PKD1L1: variants seen among roughly 807,000 people sequenced by gnomAD.
The protein encoded by PKD1L1 is polycystin 1 like 1, transient receptor potential channel interacting, also known as polycystin-1-like protein 1.
Under a neutral mutation model 323.4 loss-of-function variants are expected in PKD1L1, and 236 were observed. That is an observed-to-expected ratio of 0.73 (90% CI 0.66 to 0.81). The LOEUF is 0.81. PKD1L1 is among the 40% of genes least tolerant of loss of function. PKD1L1 has a pLI of 0.00. For missense variants in PKD1L1, 3,320 were observed against 3,508.0 expected, an observed-to-expected ratio of 0.95 and a Z score of 1.35; for synonymous variants, 1,344 against 1,335.0, an observed-to-expected ratio of 1.01 and a Z score of -0.15.
At chr7:47,845,802 A>G (rs1785653135) in intron 32 of PKD1L1, among the ~76,000 whole-genome samples, 1 of 152,096 alleles carries the variant, frequency 6.6e-6, no homozygotes, top group Admixed American at 6.6e-5. Flanking sequence ...GCTGGTCTCA[A>G]ACTCCTAACC....
At chr7:47,896,673 A>G (rs1471958942) in intron 14 of PKD1L1, among the ~76,000 whole-genome samples, 3 of 152,158 alleles carry the variant, frequency 2.0e-5, no homozygotes, top group Non-Finnish European at 4.4e-5. Flanking sequence ...AGGTACAAAT[A>G]GTGCTGTTTT....
chr7:47,894,060 C>A lies in PKD1L1; in HGVS notation c.2272-1G>T, dbSNP rs1786883357. Reference sequence around the variant, plus strand: ...ACACCACACTGCCTTCAATCTGAACCTGCAGGGGCAAGGAAGGACAGGGGA... The same window carrying A: ...ACACCACACTGCCTTCAATCTGAACATGCAGGGGCAAGGAAGGACAGGGGA... On this transcript the variant is annotated splice_acceptor_variant, in intron 14 of 56. Coordinates refer to ENST00000289672, the MANE Select transcript of PKD1L1 (RefSeq NM_138295.5). LOFTEE classifies it high-confidence loss of function. The A allele has an allele frequency of 6.5e-7, 1 of 1,549,912 alleles. No individual in the cohort carries two copies. Among genetic ancestry groups the A allele is most frequent in the Non-Finnish European group, 8.7e-7 (1 of 1,146,754 alleles).
intron 28 of PKD1L1, 72 bp from the exon 29 acceptor site, chr7:47,855,337 A>G: frequency 2.7e-6 from 3 of 1,119,042 alleles, no homozygotes; most frequent in Non-Finnish European, 4.0e-6. Flanking sequence ...GCAGCAAACC[A>G]AAGTATCGTG....
intron 9 of PKD1L1, among the ~76,000 whole-genome samples, 165 bp from the exon 10 acceptor site, chr7:47,906,127 ATAAACT>A (rs1359748466): frequency 4.6e-5 from 7 of 152,384 alleles, no homozygotes; most frequent in East Asian, 1.9e-4. Flanking sequence ...CCTGGGAAAC[ATAAACT>A]TAATCACAGA....
rs138305811 is a variant in PKD1L1, at chr7:47,827,362, C to T, written c.6842G>A (p.Arg2281Gln). The change falls in exon 45 of 57, where the codon CGG becomes CAG. Residue 2281 changes from arginine (R) to glutamine (Q), a missense_variant. Arg to Gln is a conservative substitution (Grantham distance 43, BLOSUM62 1). Coordinates refer to ENST00000289672, the MANE Select transcript of PKD1L1 (RefSeq NM_138295.5). ...RQRMRRESRT[R>Q]AALRDISMDI... The stretch of plus-strand genomic sequence containing the variant: ...AGCCGCCACCCACCTCAGGGCAGCC[C>T]GTGTGCGACTCTCTCTCCTCATCCT... 9.0e-4 allele frequency: 1,445 copies of T among 1,611,666 alleles called. 17 individuals carry two copies. The African/African-American group carries it at 0.017, about 19-fold the overall frequency.
At chr7:47,880,262 A>C in intron 21 of PKD1L1, among the ~76,000 whole-genome samples, 1 of 92,292 alleles carries the variant, frequency 1.1e-5, no homozygotes, top group Admixed American at 1.2e-4. Flanking sequence ...ATATATATAT[A>C]TACATATATA....
intron 26 of PKD1L1, among the ~76,000 whole-genome samples, chr7:47,863,330 G>A (rs771778012): frequency 2.6e-5 from 4 of 152,080 alleles, no homozygotes; most frequent in Admixed American, 6.6e-5. Context: ...TTATACGTGC[G>A]TGTCTGGGGA....
In PKD1L1 at chr7:47,890,582, T is replaced by C. The variant is rs11972142; in HGVS notation, c.2635A>G (p.Thr879Ala). The change falls in exon 16 of 57, where the codon ACC becomes GCC. Residue 879 changes from threonine (T) to alanine (A), a missense_variant. Transcript: ENST00000289672. ...GGGTAGGGGGACAGGAACACCCGGG[T>C]CTCAGAAGAGTTCCGGCCACCACTG... ...VSSGGRNSSE[T>A]RVFLSPYPDS... is the part of the protein sequence containing the mutation. 23,723 of 1,613,880 alleles carry C rather than the reference T, an allele frequency of 0.015. 824 individuals carry two copies. Among genetic ancestry groups the C allele is most frequent in the African/African-American group, 0.14 (10,553 of 74,908 alleles).
In PKD1L1 at chr7:47,873,977, C is replaced by A. The variant is rs1184704355; in HGVS notation, c.3818G>T (p.Gly1273Val). The A allele has an allele frequency of 6.2e-7, 1 of 1,613,540 alleles. No homozygotes were observed. Among genetic ancestry groups the A allele is most frequent in the Admixed American group, 1.7e-5 (1 of 59,928 alleles). ...MVSTEITDGK[G>V]SKVQPCTVVV... ...CACAGTGCACGGCTGGACCTTGGAG[C>A]CTTTGCCATCTGTGATTTCAGTGGA... The change falls in exon 24 of 57, where the codon GGC (glycine) becomes GTC (valine). Residue 1273 changes from glycine (G) to valine (V), a missense_variant. Coordinates refer to ENST00000289672, the MANE Select transcript of PKD1L1 (RefSeq NM_138295.5).
chr7:47,815,262 A>G, intron 47 of PKD1L1, 72 bp downstream of exon 47: 3 of 1,559,348 alleles, frequency 1.9e-6, no homozygotes, highest in Non-Finnish European at 1.7e-6. Flanking sequence ...GTTCAGCATT[A>G]GTGACTGTTT....
chr7:47,814,551 T>G (rs1392854829), intron 47 of PKD1L1, among the ~76,000 whole-genome samples: 2 of 152,082 alleles, frequency 1.3e-5, no homozygotes, highest in Non-Finnish European at 2.9e-5. Context: ...GGCTAATTTT[T>G]GTATTTTTAG....
At chr7:47,867,974 G>A (rs1786202314) in intron 24 of PKD1L1, among the ~76,000 whole-genome samples, 1 of 152,204 alleles carries the variant, frequency 6.6e-6, no homozygotes, top group Non-Finnish European at 1.5e-5. Context: ...TTAAGTTCAT[G>A]AATTATCTTT....
At chr7:47,788,533 C>T (rs937909555) in intron 56 of PKD1L1, among the ~76,000 whole-genome samples, 1 of 148,480 alleles carries the variant, frequency 6.7e-6, no homozygotes, top group Non-Finnish European at 1.5e-5. Context: ...GCTGGGATTA[C>T]AGGTGTGAGC....
intron 7 of PKD1L1, among the ~76,000 whole-genome samples, chr7:47,923,614 T>G (rs1376500720): frequency 6.6e-6 from 1 of 151,776 alleles, no homozygotes; most frequent in Non-Finnish European, 1.5e-5. Context: ...TCCCACTCTG[T>G]GAATTGTCTT....
intron 43 of PKD1L1, among the ~76,000 whole-genome samples, chr7:47,829,824 G>A (rs1785308014): frequency 1.3e-5 from 2 of 152,306 alleles, no homozygotes; most frequent in South Asian, 2.1e-4. Flanking sequence ...AAAAACGTGG[G>A]TTAAAGTGGT....
At chr7:47,958,615 C>T in the PKD1L1 span, among the ~76,000 whole-genome samples, 1 of 152,190 alleles carries the variant, frequency 6.6e-6, no homozygotes, top group East Asian at 1.9e-4. Flanking sequence ...TAAAAAGCTT[C>T]TGCACAGCAA....
Position 47,840,513 on chromosome 7 carries a change from A to T in PKD1L1, c.5500T>A (p.Cys1834Ser), listed in dbSNP as rs1473507616. The change falls in exon 35 of 57, where the codon TGT becomes AGT. Residue 1834 changes from cysteine to serine, a missense_variant. Transcript: ENST00000289672. This position sits in a 1 kb window ranked among gnomAD's most constrained non-coding sequence, Gnocchi z 4.1. ...CTTTCAAACAGGGGCTTCTCTGGAC[A>T]GGAGAGCTCCTTGGTTTCTGACAGT... ...NGLSETKELS[C>S]PEKPLFERNS... 6.2e-7 allele frequency: 1 copy of T among 1,614,202 alleles called. No homozygotes were observed.
At chr7:47,941,657 C>T (rs369726247) in intron 2 of PKD1L1, among the ~76,000 whole-genome samples, 1 of 152,152 alleles carries the variant, frequency 6.6e-6, no homozygotes, top group Non-Finnish European at 1.5e-5. Flanking sequence ...GATGCACCAA[C>T]TGAGGTATGA....
intron 7 of PKD1L1, among the ~76,000 whole-genome samples, chr7:47,924,009 A>G (rs1273164075): frequency 6.6e-6 from 1 of 152,148 alleles, no homozygotes; most frequent in African/African-American, 2.4e-5. Context: ...GATAAATTAT[A>G]TATGTCAAAA....
Sources: allele counts gnomAD v4.1 joint callset (sites outside exome capture counted in the v4.1 genomes callset), GRCh38; gene constraint gnomAD v4.1.1; non-coding constraint Gnocchi (gnomAD v3.1); transcripts MANE v1.5; gene names NCBI Gene and HGNC (gene_info 2026-07-23, HGNC 2026-07-21).